The following FCHSD2 variants were observed in gnomAD, a reference collection of about 807,000 sequenced individuals.
FCHSD2 encodes the protein F-BAR and double SH3 domains protein 2.
A neutral mutation model predicts 108.1 loss-of-function variants in FCHSD2; 38 were observed. The observed-to-expected ratio is 0.35, with a 90% confidence interval of 0.27 to 0.46. FCHSD2 has a LOEUF of 0.46. Among genes scored for constraint, FCHSD2 ranks in the 20% least tolerant of loss-of-function variants. FCHSD2 has a pLI of 1.00. For missense variants in FCHSD2, 751 were observed against 897.8 expected, an observed-to-expected ratio of 0.84 and a Z score of 2.09; for synonymous variants, 279 against 314.7, an observed-to-expected ratio of 0.89 and a Z score of 1.20.
chr11:72,981,488 G>A (rs926811713), intron 8 of FCHSD2, among the ~76,000 whole-genome samples: 3 of 152,204 alleles, frequency 2.0e-5, no homozygotes, highest in African/African-American at 7.2e-5. Flanking sequence ...TTTTGCTGTT[G>A]CTTAAGTTAA....
chr11:73,039,906 C>T (rs192667505), intron 3 of FCHSD2, among the ~76,000 whole-genome samples: 3 of 108,828 alleles, frequency 2.8e-5, no homozygotes, highest in African/African-American at 3.5e-5. Context: ...TTTTCATATC[C>T]CTAATTAATA....
intron 8 of FCHSD2, among the ~76,000 whole-genome samples, chr11:72,968,500 T>C (rs897573833): frequency 2.6e-5 from 4 of 152,178 alleles, no homozygotes; most frequent in Non-Finnish European, 4.4e-5. Context: ...TTCCAATACA[T>C]AGGATCAGAA....
intron 2 of FCHSD2, among the ~76,000 whole-genome samples, chr11:73,134,492 T>C (rs768048011): frequency 4.6e-5 from 7 of 151,794 alleles, no homozygotes; most frequent in Non-Finnish European, 8.8e-5. Flanking sequence ...TCTCAGAACA[T>C]CCATAAACAG....
intron 8 of FCHSD2, among the ~76,000 whole-genome samples, chr11:72,963,567 G>GC (rs1432081038): frequency 6.6e-6 from 1 of 152,172 alleles, no homozygotes; most frequent in Non-Finnish European, 1.5e-5. Context: ...TGGATCAGCA[G>GC]CCCCCAACCT....
At chr11:73,131,107 C>G (rs972851686) in intron 2 of FCHSD2, among the ~76,000 whole-genome samples, 1 of 152,134 alleles carries the variant, frequency 6.6e-6, no homozygotes, top group African/African-American at 2.4e-5. Flanking sequence ...GAGGGCTGGG[C>G]ATGGTGGTTC....
At chr11:72,858,063 G>A (rs958614669) in intron 13 of FCHSD2, among the ~76,000 whole-genome samples, 1 of 152,154 alleles carries the variant, frequency 6.6e-6, no homozygotes, top group African/African-American at 2.4e-5. Flanking sequence ...CCTAACACAT[G>A]TTTGGTGCAT....
At chr11:72,863,761 G>A (rs551430778) in intron 13 of FCHSD2, among the ~76,000 whole-genome samples, 6 of 152,186 alleles carry the variant, frequency 3.9e-5, no homozygotes, top group East Asian at 3.9e-4. Context: ...CAGAGAAATG[G>A]AAATTAAAAT....
At chr11:72,922,612 A>C (rs1048698643) in intron 8 of FCHSD2, among the ~76,000 whole-genome samples, 1 of 152,200 alleles carries the variant, frequency 6.6e-6, no homozygotes, top group Non-Finnish European at 1.5e-5. Context: ...CACCAAAATA[A>C]AAACCGTGGA....
chr11:72,888,452 T>C (rs566056230), intron 11 of FCHSD2, among the ~76,000 whole-genome samples: 1 of 152,172 alleles, frequency 6.6e-6, no homozygotes, highest in East Asian at 1.9e-4. Context: ...GGAGGTGAGA[T>C]TCTATAGATA....
intron 3 of FCHSD2, among the ~76,000 whole-genome samples, chr11:73,053,927 T>C (rs2135479420): frequency 6.6e-6 from 1 of 152,358 alleles, no homozygotes; most frequent in African/African-American, 2.4e-5. Context: ...ATTTTAACCA[T>C]GTATTTTTTA....
Position 72,940,195 on chromosome 11 carries a change from C to T in FCHSD2, c.706-18245G>A, listed in dbSNP as rs192281172. Among the ~76,000 whole-genome samples, 42 of 152,318 alleles carry T rather than the reference C, an allele frequency of 2.8e-4. 1 individual carries two copies. Among genetic ancestry groups the T allele is most frequent in the African/African-American group, 9.4e-4 (39 of 41,562 alleles). On this transcript the variant is annotated intron_variant, in intron 8 of 19. Transcript: ENST00000409418. Reference sequence around the variant, plus strand: ...CATCCTTAGCCTTTTAAACTCATCACTACTGAGATTCTAAATACTGAAAGC... The same window carrying T: ...CATCCTTAGCCTTTTAAACTCATCATTACTGAGATTCTAAATACTGAAAGC...
intron 2 of FCHSD2, among the ~76,000 whole-genome samples, chr11:73,103,247 T>C (rs981749104): frequency 2.6e-5 from 4 of 152,150 alleles, no homozygotes; most frequent in African/African-American, 7.2e-5. Context: ...TGTATGCAAA[T>C]TGTCTCAGTA....
At chr11:72,875,482 T>A (rs563863558) in intron 12 of FCHSD2, among the ~76,000 whole-genome samples, 1 of 152,154 alleles carries the variant, frequency 6.6e-6, no homozygotes, top group Non-Finnish European at 1.5e-5. Flanking sequence ...CAGAAGCATA[T>A]GCCACCACAT....
intron 3 of FCHSD2, among the ~76,000 whole-genome samples, chr11:73,049,819 G>C (rs761943319): frequency 2.6e-5 from 4 of 151,630 alleles, no homozygotes. Flanking sequence ...TTTAAGGAGA[G>C]GATAAAATTT....
intron 4 of FCHSD2, among the ~76,000 whole-genome samples, chr11:73,015,233 C>T (rs903599660): frequency 3.3e-5 from 5 of 152,230 alleles, no homozygotes. Flanking sequence ...CATCCACCTT[C>T]ATTACAATTC....
At chr11:72,889,263 A>C (rs759951159) in intron 11 of FCHSD2, among the ~76,000 whole-genome samples, 23 of 152,304 alleles carry the variant, frequency 1.5e-4, no homozygotes, top group Admixed American at 2.6e-4. Context: ...GCCCGGCTAT[A>C]ATTATGTCTT....
intron 10 of FCHSD2, among the ~76,000 whole-genome samples, chr11:72,892,049 C>T (rs1207536624): frequency 6.6e-6 from 1 of 152,112 alleles, no homozygotes; most frequent in African/African-American, 2.4e-5. Context: ...AAGATTAAGG[C>T]AGATCTCAAA....
chr11:73,043,318 G>C (rs1011060054), intron 3 of FCHSD2, among the ~76,000 whole-genome samples: 27 of 152,306 alleles, frequency 1.8e-4, no homozygotes, highest in African/African-American at 4.6e-4. Flanking sequence ...CGGTCAAGTA[G>C]TGAAGATAAA....
At chr11:72,859,451 G>C (rs901717493) in intron 13 of FCHSD2, among the ~76,000 whole-genome samples, 1 of 152,146 alleles carries the variant, frequency 6.6e-6, no homozygotes, top group Non-Finnish European at 1.5e-5. Context: ...CACTACAGTA[G>C]TGCTGCTGGC....
Sources: gnomAD v4.1 joint callset for allele counts (sites outside exome capture counted in the v4.1 genomes callset) on GRCh38, gnomAD v4.1.1 for gene constraint, MANE v1.5 for transcripts, NCBI Gene and HGNC (gene_info 2026-07-23, HGNC 2026-07-21) for gene names.